Variants in TUBGCP5 observed in about 807,000 individuals in gnomAD.
TUBGCP5 encodes the protein gamma-tubulin complex component 5.
Under a neutral mutation model 134.7 loss-of-function variants are expected in TUBGCP5, and 98 were observed. That is an observed-to-expected ratio of 0.73 (90% CI 0.62 to 0.86). The LOEUF is 0.86. Ranked by LOEUF, TUBGCP5 falls within the 40% of genes least tolerant of loss-of-function variation. The pLI is 0.00. For missense variants in TUBGCP5, 1,150 were observed against 1,244.8 expected, an observed-to-expected ratio of 0.92 and a Z score of 1.15; for synonymous variants, 456 against 431.4, an observed-to-expected ratio of 1.06 and a Z score of -0.71.
At chr15:22,987,612 G>T (rs530224583) in intron 23 of TUBGCP5, among the ~76,000 whole-genome samples, 1 of 151,510 alleles carries the variant, frequency 6.6e-6, no homozygotes, top group African/African-American at 2.4e-5. Context: ...ACACCCCAGA[G>T]GGGGCCAGGC....
At chr15:22,987,178 C>A (rs2063703257) in intron 23 of TUBGCP5, among the ~76,000 whole-genome samples, 1 of 151,874 alleles carries the variant, frequency 6.6e-6, no homozygotes, top group Non-Finnish European at 1.5e-5. Context: ...ACTAAAAATA[C>A]AAGAAATTAA....
At chr15:23,027,397 T>C in intron 6 of TUBGCP5, 91 bp from the exon 7 acceptor site, 1 of 1,020,938 alleles carries the variant, frequency 9.8e-7, no homozygotes, top group Non-Finnish European at 1.5e-6. Context: ...AAACGTATAG[T>C]TGAAAATGGC....
intron 13 of TUBGCP5, among the ~76,000 whole-genome samples, chr15:23,014,585 T>G (rs955128163): frequency 3.3e-5 from 5 of 149,468 alleles, no homozygotes; most frequent in African/African-American, 1.2e-4. Flanking sequence ...AGCAGCCTCA[T>G]GGGCTGCCAC....
In TUBGCP5 at chr15:23,036,941, C is replaced by T. The variant is rs2066623461; in HGVS notation, c.265G>A (p.Glu89Lys). The change falls in exon 3 of 23, where the codon GAG becomes AAG. Residue 89 changes from glutamate (E) to lysine (K), a missense_variant. Around this residue, in one of 2 missense-constraint regions of TUBGCP5, gnomAD observed 453 missense variants for 394.7 expected, o/e 1.15. Transcript: ENST00000615383. ...GGAAGTGGTGCATTTAGAAATTCCT[C>T]CGTTAATCTCTTCCAACTAGCAGCT... ...SKAASWKRLT[E>K]EFLNAPLPSI... The T allele has an allele frequency of 2.5e-6, 4 of 1,612,742 alleles. No individual in the cohort carries two copies. The highest frequency in any genetic ancestry group is 3.4e-6 in the Non-Finnish European group (4 of 1,179,406).
intron 12 of TUBGCP5, 42 bp from the exon 13 acceptor site, chr15:23,018,083 C>G: frequency 6.5e-7 from 1 of 1,540,080 alleles, no homozygotes; most frequent in Non-Finnish European, 8.8e-7. Flanking sequence ...ATTTCTCTTT[C>G]TTAAAAACAG....
chr15:23,030,396 G>A (rs1054719984), intron 6 of TUBGCP5, among the ~76,000 whole-genome samples: 1 of 152,148 alleles, frequency 6.6e-6, no homozygotes, highest in Non-Finnish European at 1.5e-5. Flanking sequence ...AGTATCCAAT[G>A]GGGACTGGTT....
At chr15:22,993,304 T>TACA (rs923155556) in intron 23 of TUBGCP5, among the ~76,000 whole-genome samples, 11 of 152,110 alleles carry the variant, frequency 7.2e-5, no homozygotes, top group Non-Finnish European at 1.2e-4. Context: ...TTCACCATGT[T>TACA]GGTCAGGCTG....
At chr15:23,019,425 A>C in intron 11 of TUBGCP5, 91 bp from the exon 12 acceptor site, 2 of 788,332 alleles carry the variant, frequency 2.5e-6, no homozygotes, top group Non-Finnish European at 4.3e-6. Context: ...GCCTTTAAAA[A>C]AGTGATCGGA....
intron 20 of TUBGCP5, among the ~76,000 whole-genome samples, chr15:23,003,550 C>G (rs117013463): frequency 1.5e-4 from 23 of 151,588 alleles, no homozygotes; most frequent in African/African-American, 5.6e-4. Context: ...CCAAGAGTAA[C>G]GCAGAGTGAG....
At chr15:23,025,234 G>A (rs971002127) in intron 8 of TUBGCP5, among the ~76,000 whole-genome samples, 1 of 151,818 alleles carries the variant, frequency 6.6e-6, no homozygotes, top group Non-Finnish European at 1.5e-5. Flanking sequence ...TCAGAATTAG[G>A]GGCAAAAAGG....
rs748595745 is a variant in TUBGCP5, at chr15:23,000,509, C to T, written c.3028+60G>A. 14 of 1,590,618 alleles carry T rather than the reference C, an allele frequency of 8.8e-6. No homozygotes were observed. The African/African-American group carries it at 1.1e-4, about 12-fold the overall frequency. On this transcript the variant is annotated intron_variant, in intron 22 of 22. Coordinates refer to ENST00000615383, the MANE Select transcript of TUBGCP5 (RefSeq NM_052903.6). ...CATGGGATCAGTAACAAAACAATGA[C>T]ACATACACTTAGTTACAAGGAAATA...
intron 15 of TUBGCP5, among the ~76,000 whole-genome samples, chr15:23,009,308 G>A (rs994191782): frequency 2.0e-5 from 3 of 149,304 alleles, no homozygotes; most frequent in Non-Finnish European, 3.0e-5. Flanking sequence ...TTGCTCTGTC[G>A]CCCAGGCTGG....
At position 23,005,605 on chromosome 15, in the gene TUBGCP5, C is replaced by T. The variant is rs1169078936; in HGVS notation, c.2539G>A (p.Val847Ile). The change falls in exon 19 of 23, where the codon GTT becomes ATT. Residue 847 changes from valine to isoleucine, a missense_variant. Around this residue, in one of 2 missense-constraint regions of TUBGCP5, gnomAD observed 697 missense variants for 850.1 expected, o/e 0.82. Coordinates refer to ENST00000615383, the MANE Select transcript of TUBGCP5 (RefSeq NM_052903.6). ...AGTCGTGGTTTTTCTGCAGTACTAACCAGTTCTATAAAACATTGGAAGAGC... is the reference window on the plus strand; with the variant it reads ...AGTCGTGGTTTTTCTGCAGTACTAATCAGTTCTATAAAACATTGGAAGAGC... ...SLDVLLFGEL[V>I]STAEKPRLKE... 6.2e-7 allele frequency: 1 copy of T among 1,612,878 alleles called. No homozygotes were observed. The highest frequency in any genetic ancestry group is 1.3e-5 in the African/African-American group (1 of 74,840).
intron 18 of TUBGCP5, 140 bp downstream of exon 18, chr15:23,005,912 G>T: frequency 1.1e-6 from 1 of 925,474 alleles, no homozygotes; most frequent in Non-Finnish European, 1.6e-6. Context: ...TGGCATTTGT[G>T]TACACATAAA....
rs75203744 is a variant in TUBGCP5 at position 23,036,797 on chromosome 15, T to C, written c.309+100A>G. 19 of 854,720 alleles carry C rather than the reference T, an allele frequency of 2.2e-5. No homozygotes were observed. In the African/African-American group the frequency reaches 3.2e-4, roughly 15 times the overall value. The allele number at this position is 854,720 out of a possible 1,614,324, so 52.9% of individuals were successfully genotyped here. A position where few individuals can be genotyped will look rare whatever the true frequency, so the allele number is the denominator to read the frequency against. On this transcript the variant is annotated intron_variant, in intron 3 of 22. Coordinates refer to ENST00000615383, the MANE Select transcript of TUBGCP5 (RefSeq NM_052903.6). ...AGAGATCCCGTTAGCCAGTAGATAATACTAAAATAGAATGTTTAAACAGTA... is the reference window on the plus strand; with the variant it reads ...AGAGATCCCGTTAGCCAGTAGATAACACTAAAATAGAATGTTTAAACAGTA...
chr15:23,037,511 T>C (rs1458842012), intron 1 of TUBGCP5, among the ~76,000 whole-genome samples: 1 of 152,160 alleles, frequency 6.6e-6, no homozygotes, highest in African/African-American at 2.4e-5. Context: ...ACCCCTTCTC[T>C]GAATAACATT....
intron 7 of TUBGCP5, among the ~76,000 whole-genome samples, chr15:23,026,702 G>A (rs1397130547): frequency 1.3e-5 from 2 of 152,126 alleles, no homozygotes; most frequent in Admixed American, 1.3e-4. Flanking sequence ...GGAGGCCGAG[G>A]CAGGTGGATC....
intron 22 of TUBGCP5, 123 bp from the exon 23 acceptor site, chr15:22,999,989 C>A: frequency 1.2e-6 from 1 of 850,388 alleles, no homozygotes; most frequent in South Asian, 1.5e-5. Flanking sequence ...CAGCTCACTG[C>A]AACCTCTGCC....
chr15:23,005,911 T>C (rs2064682288), intron 18 of TUBGCP5, 141 bp downstream of exon 18: 12 of 921,412 alleles, frequency 1.3e-5, no homozygotes, highest in Middle Eastern at 3.4e-4. Context: ...TTGGCATTTG[T>C]GTACACATAA....
Sources: allele counts gnomAD v4.1 joint callset (sites outside exome capture counted in the v4.1 genomes callset), GRCh38; gene constraint gnomAD v4.1.1; regional missense constraint gnomAD v4.1.1; transcripts MANE v1.5; gene names NCBI Gene and HGNC (gene_info 2026-07-23, HGNC 2026-07-21).